The following MRPL13 variants were observed in gnomAD, a reference collection of about 807,000 sequenced individuals.
MRPL13 encodes the protein mitochondrial ribosomal protein L13, also known as large ribosomal subunit protein uL13m.
Under a neutral mutation model 29.0 loss-of-function variants are expected in MRPL13, and 33 were observed. The ratio of observed to expected loss-of-function variants is 1.14; its 90% CI spans 0.86 to 1.52. MRPL13 has a LOEUF of 1.52. Ranked by LOEUF, MRPL13 falls within the 40% of genes most tolerant of loss-of-function variation. MRPL13 has a pLI of 0.00. For missense variants in MRPL13, 227 were observed against 216.7 expected (o/e 1.05, Z -0.30); for synonymous variants, 77 against 68.4 (o/e 1.13, Z -0.62).
At chr8:120,402,204 G>T (rs544219827) in intron 6 of MRPL13, among the ~76,000 whole-genome samples, 1 of 152,274 alleles carries the variant, frequency 6.6e-6, no homozygotes, top group South Asian at 2.1e-4. Context: ...ACAATCCTAA[G>T]CAAAAAGAAC....
chr8:120,406,571 G>A (rs1812670841), intron 6 of MRPL13, among the ~76,000 whole-genome samples: 1 of 151,074 alleles, frequency 6.6e-6, no homozygotes, highest in Non-Finnish European at 1.5e-5. Flanking sequence ...GTGTGTGTGT[G>A]TGTGTGTGTG....
chr8:120,423,127 G>A (rs952952648), intron 4 of MRPL13, among the ~76,000 whole-genome samples: 2 of 151,826 alleles, frequency 1.3e-5, no homozygotes, highest in South Asian at 2.1e-4. Context: ...TTAAGAAAGG[G>A]AAAAATGATA....
At chr8:120,429,699 TAC>T (rs1812977040) in intron 3 of MRPL13, among the ~76,000 whole-genome samples, 1 of 152,104 alleles carries the variant, frequency 6.6e-6, no homozygotes, top group Non-Finnish European at 1.5e-5. Context: ...AACTTGTATA[TAC>T]AGTTATCCCT....
chr8:120,444,061 T>C (rs545015368), intron 1 of MRPL13, among the ~76,000 whole-genome samples: 1 of 152,228 alleles, frequency 6.6e-6, no homozygotes, highest in Admixed American at 6.5e-5. Flanking sequence ...ATTTTAAATT[T>C]ACTTATCACA....
intron 4 of MRPL13, among the ~76,000 whole-genome samples, chr8:120,423,535 T>C (rs1812897968): frequency 6.6e-6 from 1 of 151,986 alleles, no homozygotes; most frequent in African/African-American, 2.4e-5. Context: ...CGACATCTGA[T>C]TCATAAAAGC....
chr8:120,412,610 A>G (rs1429203740), intron 6 of MRPL13, among the ~76,000 whole-genome samples: 1 of 152,230 alleles, frequency 6.6e-6, no homozygotes, highest in Non-Finnish European at 1.5e-5. Context: ...AACTTAAGCT[A>G]TTCATGAAAA....
chr8:120,409,149 C>A (rs990440720), intron 6 of MRPL13, among the ~76,000 whole-genome samples: 1 of 152,116 alleles, frequency 6.6e-6, no homozygotes, highest in Admixed American at 6.6e-5. Flanking sequence ...AACCTGTGTT[C>A]AAGCATGTAT....
chr8:120,404,538 C>T (rs1812642893), intron 6 of MRPL13, among the ~76,000 whole-genome samples: 2 of 152,222 alleles, frequency 1.3e-5, no homozygotes, highest in Non-Finnish European at 2.9e-5. Context: ...CTTTCTAACA[C>T]AGACTGGGCT....
chr8:120,419,636 T>C, intron 5 of MRPL13: 1 of 309,234 alleles, frequency 3.2e-6, no homozygotes, highest in South Asian at 8.5e-5. Context: ...AAAAACTTAC[T>C]TTTAATTTTT....
chr8:120,420,067 A>C (rs1172806232), intron 4 of MRPL13, 129 bp from the exon 5 acceptor site: 1 of 479,346 alleles, frequency 2.1e-6, no homozygotes. Context: ...AAATAGACCT[A>C]AGTGGATATG....
chr8:120,424,543 T>C (rs1812910577), intron 4 of MRPL13, among the ~76,000 whole-genome samples: 1 of 152,062 alleles, frequency 6.6e-6, no homozygotes, highest in Non-Finnish European at 1.5e-5. Context: ...GGTGGGAGGA[T>C]GGCTTGAGCC....
At chr8:120,433,293 A>T (rs1417896835) in intron 2 of MRPL13, among the ~76,000 whole-genome samples, 1 of 152,136 alleles carries the variant, frequency 6.6e-6, no homozygotes, top group African/African-American at 2.4e-5. Flanking sequence ...AGATAACCAG[A>T]CAACCTCAAA....
At chr8:120,404,452 T>C (rs544502898) in intron 6 of MRPL13, among the ~76,000 whole-genome samples, 2 of 152,340 alleles carry the variant, frequency 1.3e-5, no homozygotes, top group Admixed American at 1.3e-4. Flanking sequence ...GTCTTTTCTC[T>C]GCCTGGCAAC....
At chr8:120,428,515 G>C (rs1812959054) in intron 3 of MRPL13, among the ~76,000 whole-genome samples, 1 of 152,140 alleles carries the variant, frequency 6.6e-6, no homozygotes, top group African/African-American at 2.4e-5. Flanking sequence ...AAACTAAAGA[G>C]CTTCTGCACA....
intron 2 of MRPL13, among the ~76,000 whole-genome samples, chr8:120,433,498 A>G (rs78835944): frequency 0.017 from 2,556 of 152,224 alleles, 68 homozygotes; most frequent in African/African-American, 0.059. Flanking sequence ...AGTTTTAAAT[A>G]TAGGTAAAGC....
intron 2 of MRPL13, among the ~76,000 whole-genome samples, chr8:120,435,524 G>A (rs1234826240): frequency 2.0e-5 from 3 of 152,090 alleles, no homozygotes; most frequent in African/African-American, 7.2e-5. Flanking sequence ...CCATGTTGCT[G>A]CAAAGGACAT....
chr8:120,420,185 A>G (rs1812853399), intron 4 of MRPL13, among the ~76,000 whole-genome samples: 2 of 151,778 alleles, frequency 1.3e-5, no homozygotes, highest in African/African-American at 4.8e-5. Flanking sequence ...TAACCCGTAT[A>G]TGTGCCAATT....
At chr8:120,396,265 GA>G (rs549952886) in intron 6 of MRPL13, 140 bp from the exon 7 acceptor site, 51 of 609,836 alleles carry the variant, frequency 8.4e-5, no homozygotes, top group Middle Eastern at 4.8e-4. Flanking sequence ...AATTTTTGGT[GA>G]AAAAAAAACA....
At chr8:120,444,463 G>C (rs1249617498) in intron 1 of MRPL13, among the ~76,000 whole-genome samples, 3 of 152,082 alleles carry the variant, frequency 2.0e-5, no homozygotes, top group African/African-American at 7.2e-5. Flanking sequence ...TTTGCTGTTG[G>C]CCTATACTCA....
Sources: gnomAD v4.1 joint callset for allele counts (sites outside exome capture counted in the v4.1 genomes callset) on GRCh38, gnomAD v4.1.1 for gene constraint, MANE v1.5 for transcripts, NCBI Gene and HGNC (gene_info 2026-07-23, HGNC 2026-07-21) for gene names.